The following TAFA2 variants were observed in gnomAD, a reference collection of about 807,000 sequenced individuals.
TAFA2 encodes the protein chemokine-like protein TAFA-2.
Under a neutral mutation model 18.8 loss-of-function variants are expected in TAFA2, and 7 were observed. The observed-to-expected ratio is 0.37, with a 90% CI of 0.21 to 0.70. The LOEUF is 0.70. TAFA2 is among the 30% of genes least tolerant of loss of function. The pLI is 0.53. For missense variants in TAFA2, 122 were observed against 158.1 expected (o/e 0.77, Z 1.23); for synonymous variants, 60 against 54.2 (o/e 1.11, Z -0.47).
chr12:62,166,521 G>T (rs992906518), intron 1 of TAFA2, among the ~76,000 whole-genome samples: 5 of 152,126 alleles, frequency 3.3e-5, no homozygotes, highest in Non-Finnish European at 5.9e-5. Flanking sequence ...AGTTTCCCTT[G>T]CTTCAACTTT....
chr12:61,939,164 T>A (rs1407021256), intron 1 of TAFA2, among the ~76,000 whole-genome samples: 2 of 152,192 alleles, frequency 1.3e-5, no homozygotes, highest in African/African-American at 4.8e-5. Flanking sequence ...CATTTAAGTT[T>A]TTCAATGGTA....
chr12:62,201,011 T>C (rs113968422), intron 1 of TAFA2, among the ~76,000 whole-genome samples: 12,877 of 152,242 alleles, frequency 0.085, 686 homozygotes, highest in Middle Eastern at 0.18. Flanking sequence ...ACAATTGTAA[T>C]GGGAATTCAT....
At chr12:62,059,139 A>ATGTATGTGTGTGTGTG (rs1882275498) in intron 1 of TAFA2, among the ~76,000 whole-genome samples, 2 of 136,248 alleles carry the variant, frequency 1.5e-5, no homozygotes, top group Non-Finnish European at 3.1e-5. Context: ...ATGTGTGTAT[A>ATGTATGTGTGTGTGTG]TGTGTGTGTG....
At chr12:62,052,843 G>T (rs1882092708) in intron 1 of TAFA2, among the ~76,000 whole-genome samples, 1 of 152,176 alleles carries the variant, frequency 6.6e-6, no homozygotes, top group Admixed American at 6.5e-5. Flanking sequence ...AATAAAGAGT[G>T]CAAGTTTAAA....
At chr12:62,244,653 TC>T (rs2062876594) in intron 1 of TAFA2, among the ~76,000 whole-genome samples, 1 of 152,078 alleles carries the variant, frequency 6.6e-6, no homozygotes, top group Non-Finnish European at 1.5e-5. Context: ...CACCAAATTG[TC>T]CCCCAAAGTA....
chr12:61,764,340 C>A (rs1000185391), intron 2 of TAFA2, among the ~76,000 whole-genome samples: 1 of 152,002 alleles, frequency 6.6e-6, no homozygotes, highest in African/African-American at 2.4e-5. Context: ...AGAACATCCC[C>A]AATTCCCAAG....
intron 1 of TAFA2, among the ~76,000 whole-genome samples, chr12:61,997,230 C>A (rs1880227181): frequency 7.2e-6 from 1 of 139,200 alleles, no homozygotes; most frequent in East Asian, 2.3e-4. Flanking sequence ...GTCGTAAGTG[C>A]AATTTAAAAA....
At chr12:61,781,197 T>C (rs142398816) in intron 2 of TAFA2, among the ~76,000 whole-genome samples, 565 of 151,780 alleles carry the variant, frequency 3.7e-3, no homozygotes, top group African/African-American at 0.013. Flanking sequence ...GATCCCTTCC[T>C]ATTTGGACTG....
chr12:61,721,195 A>C (rs1869882498), intron 4 of TAFA2, among the ~76,000 whole-genome samples: 1 of 152,220 alleles, frequency 6.6e-6, no homozygotes, highest in South Asian at 2.1e-4. Flanking sequence ...AAAAAAGGAC[A>C]GTAAGCATTT....
chr12:61,908,403 G>A (rs906316783), intron 1 of TAFA2, among the ~76,000 whole-genome samples: 5 of 151,942 alleles, frequency 3.3e-5, no homozygotes, highest in African/African-American at 1.2e-4. Flanking sequence ...AAGACAACAG[G>A]CAAGACAATG....
intron 2 of TAFA2, among the ~76,000 whole-genome samples, chr12:61,793,631 C>A (rs1871074500): frequency 6.6e-6 from 1 of 151,654 alleles, no homozygotes; most frequent in African/African-American, 2.4e-5. Flanking sequence ...GAATTCTAGG[C>A]CCAGTTGGCT....
intron 1 of TAFA2, among the ~76,000 whole-genome samples, chr12:62,189,778 T>C (rs976846443): frequency 1.3e-5 from 2 of 152,334 alleles, no homozygotes; most frequent in Non-Finnish European, 1.5e-5. Flanking sequence ...TTGACAACTC[T>C]GAATGTTGAT....
chr12:62,122,545 T>C (rs1237155166), intron 1 of TAFA2, among the ~76,000 whole-genome samples: 1 of 152,170 alleles, frequency 6.6e-6, no homozygotes, highest in African/African-American at 2.4e-5. Flanking sequence ...GTTTTATAAA[T>C]GAGGGGGAAA....
chr12:61,915,835 C>T (rs1160852210), intron 1 of TAFA2, among the ~76,000 whole-genome samples: 1 of 152,186 alleles, frequency 6.6e-6, no homozygotes, highest in Non-Finnish European at 1.5e-5. Flanking sequence ...TGATGCCCAT[C>T]CACATTGGTG....
chr12:61,952,865 C>G (rs368231360), intron 1 of TAFA2, among the ~76,000 whole-genome samples: 4 of 151,912 alleles, frequency 2.6e-5, no homozygotes, highest in East Asian at 3.9e-4. Context: ...CATAAAGAAC[C>G]GAGTACGTGT....
chr12:62,202,469 C>T (rs1371483141), intron 1 of TAFA2, among the ~76,000 whole-genome samples: 1 of 152,036 alleles, frequency 6.6e-6, no homozygotes, highest in Non-Finnish European at 1.5e-5. Flanking sequence ...CCTCAGCCTC[C>T]CTAGTAGCTG....
intron 1 of TAFA2, among the ~76,000 whole-genome samples, chr12:61,908,797 T>C (rs1179086829): frequency 1.3e-5 from 2 of 152,210 alleles, no homozygotes; most frequent in African/African-American, 4.8e-5. Flanking sequence ...GGTTTTTGCC[T>C]GTATCTAAGA....
At chr12:62,130,840 G>C (rs747408669) in intron 1 of TAFA2, among the ~76,000 whole-genome samples, 8 of 151,988 alleles carry the variant, frequency 5.3e-5, no homozygotes, top group Middle Eastern at 3.2e-3. Flanking sequence ...AAAGGGAGAA[G>C]AGAGGAGAGA....
intron 2 of TAFA2, among the ~76,000 whole-genome samples, chr12:61,757,493 A>T (rs1391231834): frequency 6.6e-6 from 1 of 152,060 alleles, no homozygotes; most frequent in Non-Finnish European, 1.5e-5. Flanking sequence ...AAGCAACAAC[A>T]TTTATAAAAT....
Sources: allele counts gnomAD v4.1 joint callset (sites outside exome capture counted in the v4.1 genomes callset), GRCh38; gene constraint gnomAD v4.1.1; transcripts MANE v1.5; gene names NCBI Gene and HGNC (gene_info 2026-07-23, HGNC 2026-07-21).